The following FAM13B variants were observed in gnomAD, a reference collection of about 807,000 sequenced individuals.
FAM13B encodes the protein family with sequence similarity 13 member B.
FAM13B carries 60 observed loss-of-function variants against 117.3 expected under a neutral mutation model. That is an observed-to-expected ratio of 0.51 (90% CI 0.42 to 0.63). FAM13B has a LOEUF of 0.63. Ranked by LOEUF, FAM13B falls within the 30% of genes least tolerant of loss-of-function variation. The pLI is 0.00. For missense variants in FAM13B, 972 were observed against 1,091.9 expected (o/e 0.89, Z 1.55); for synonymous variants, 332 against 356.1 (o/e 0.93, Z 0.76).
chr5:138,001,462 T>C (rs939797714), intron 7 of FAM13B, among the ~76,000 whole-genome samples: 3 of 152,230 alleles, frequency 2.0e-5, no homozygotes, highest in African/African-American at 7.2e-5. Flanking sequence ...TTGCTATATA[T>C]GTAATTTTAA....
intron 10 of FAM13B, among the ~76,000 whole-genome samples, chr5:137,974,323 A>G (rs576202684): frequency 1.3e-5 from 2 of 151,934 alleles, no homozygotes; most frequent in African/African-American, 4.8e-5. Context: ...CATGGATGAA[A>G]TTGGAAATCA....
chr5:138,014,434 C>T (rs1407323767), intron 4 of FAM13B, among the ~76,000 whole-genome samples: 1 of 152,180 alleles, frequency 6.6e-6, no homozygotes. Flanking sequence ...ACTATGCATG[C>T]AAGGGATCTA....
At chr5:138,028,775 T>C (rs1396331082) in intron 1 of FAM13B, among the ~76,000 whole-genome samples, 1 of 152,146 alleles carries the variant, frequency 6.6e-6, no homozygotes, top group Non-Finnish European at 1.5e-5. Flanking sequence ...TGCCAGCACT[T>C]TGGGAGGCCA....
At chr5:137,954,619 AT>A (rs34174978) in intron 14 of FAM13B, 120,267 of 170,460 alleles carry the variant, frequency 0.71, 42,361 homozygotes, top group East Asian at 0.9. Context: ...CCAGAGTTCA[AT>A]TTTTTTTTTT....
intron 11 of FAM13B, among the ~76,000 whole-genome samples, 164 bp from the exon 12 acceptor site, chr5:137,960,378 G>GA (rs1237118828): frequency 6.6e-6 from 1 of 151,956 alleles, no homozygotes; most frequent in African/African-American, 2.4e-5. Flanking sequence ...CCCTATATCT[G>GA]AAAAATCACA....
intron 6 of FAM13B, among the ~76,000 whole-genome samples, chr5:138,007,372 G>A (rs975135331): frequency 6.6e-6 from 1 of 152,162 alleles, no homozygotes; most frequent in Admixed American, 6.6e-5. Flanking sequence ...TGTATCACTA[G>A]TTGCAAATTA....
intron 1 of FAM13B, among the ~76,000 whole-genome samples, chr5:138,041,651 A>C (rs1171540696): frequency 6.6e-6 from 1 of 152,270 alleles, no homozygotes; most frequent in East Asian, 1.9e-4. Flanking sequence ...ATTAAAAGTC[A>C]AAGAGCTGGG....
At chr5:137,946,340 T>TA (rs750962071) in intron 18 of FAM13B, 29 bp from the exon 19 acceptor site, 103 of 1,218,598 alleles carry the variant, frequency 8.5e-5, no homozygotes, top group Middle Eastern at 2.8e-4. Context: ...AATAACAAAA[T>TA]ACAAAAAAAA....
At chr5:137,997,406 T>C (rs1165473226) in intron 7 of FAM13B, among the ~76,000 whole-genome samples, 2 of 151,320 alleles carry the variant, frequency 1.3e-5, no homozygotes, top group Non-Finnish European at 1.5e-5. Context: ...GAGGCGGAGG[T>C]TGCGGTGAGC....
intron 1 of FAM13B, among the ~76,000 whole-genome samples, chr5:138,024,194 A>C (rs536211778): frequency 1.3e-5 from 2 of 152,214 alleles, no homozygotes; most frequent in East Asian, 3.9e-4. Context: ...TCTGGAAATA[A>C]GGTCTTTGCA....
At chr5:137,976,355 C>G (rs1773990175) in intron 10 of FAM13B, among the ~76,000 whole-genome samples, 1 of 152,162 alleles carries the variant, frequency 6.6e-6, no homozygotes, top group African/African-American at 2.4e-5. Flanking sequence ...ACCATGAAAT[C>G]CTCTACCTAC....
chr5:138,027,268 C>A (rs919123437), intron 1 of FAM13B, among the ~76,000 whole-genome samples: 1 of 152,152 alleles, frequency 6.6e-6, no homozygotes, highest in African/African-American at 2.4e-5. Context: ...TTTAAAAGAG[C>A]TATCTCACTA....
intron 10 of FAM13B, among the ~76,000 whole-genome samples, chr5:137,966,488 T>TATAGAGAG (rs1461425784): frequency 5.9e-3 from 173 of 29,452 alleles, no homozygotes; most frequent in Non-Finnish European, 5.7e-3. Context: ...TATATATATA[T>TATAGAGAG]AGAGAGAGAG....
intron 23 of FAM13B, chr5:137,940,568 A>G: frequency 2.2e-6 from 1 of 446,614 alleles, no homozygotes; most frequent in East Asian, 3.9e-5. Context: ...AAATGATGCT[A>G]TACTTATAAA....
Position 137,940,254 on chromosome 5 carries a change from T to A in FAM13B, c.2785A>T (p.Ser929Cys). The A allele has an allele frequency of 6.2e-7, 1 of 1,614,022 alleles. No individual in the cohort carries two copies. The highest frequency in any genetic ancestry group is 8.5e-7 in the Non-Finnish European group (1 of 1,179,902). The change falls in exon 24 of 24, where the codon AGC (serine) becomes TGC (cysteine). Residue 929 changes from serine to cysteine, a missense_variant. Transcript: ENST00000689681. ...AKLRLLEVLI[S>C]KQDSSKSI ...ATGGATTTTGAAGAATCTTGTTTGC[T>A]TATAAGAACTTCAAGAAGCCTAAGC...
rs746482442 is a variant in FAM13B, at chr5:137,949,103, G to C, written c.2012C>G (p.Ser671Cys). The C allele has an allele frequency of 6.2e-7, 1 of 1,614,088 alleles. No individual in the cohort carries two copies. Among genetic ancestry groups the C allele is most frequent in the East Asian group, 2.2e-5 (1 of 44,868 alleles). Residue 671 changes from serine to cysteine, a missense_variant, in exon 18 of 24, where the codon TCT (serine) becomes TGT (cysteine). By Grantham distance (112) the Ser-to-Cys change is moderately radical. Coordinates refer to ENST00000689681, the MANE Select transcript of FAM13B (RefSeq NM_001385994.1). ...CTCTTCATCTTCATGGTCTAGAGAA[G>C]AGCCAAAGCTTTTTGGAAGTGTGTT... ...RSNTLPKSFG[S>C]SLDHEDEENE...
intron 10 of FAM13B, among the ~76,000 whole-genome samples, chr5:137,980,104 C>A (rs562123440): frequency 6.7e-6 from 1 of 148,608 alleles, no homozygotes; most frequent in South Asian, 2.1e-4. Context: ...ACCTAGGAGA[C>A]GGAGGTTGCA....
At chr5:137,984,024 T>A (rs1776535553) in intron 10 of FAM13B, among the ~76,000 whole-genome samples, 1 of 152,222 alleles carries the variant, frequency 6.6e-6, no homozygotes, top group African/African-American at 2.4e-5. Flanking sequence ...ATGTCTTAGA[T>A]GCTGCTTTTT....
chr5:138,032,551 C>T (rs925870317), intron 1 of FAM13B, among the ~76,000 whole-genome samples: 1 of 152,222 alleles, frequency 6.6e-6, no homozygotes, highest in Admixed American at 6.5e-5. Flanking sequence ...AAATCCAAGG[C>T]TGCCACACCC....
Sources: allele counts gnomAD v4.1 joint callset (sites outside exome capture counted in the v4.1 genomes callset), GRCh38; gene constraint gnomAD v4.1.1; transcripts MANE v1.5; gene names NCBI Gene and HGNC (gene_info 2026-07-23, HGNC 2026-07-21).